The following GALNT16 variants were observed in gnomAD, a reference collection of about 807,000 sequenced individuals.
The protein encoded by GALNT16 is polypeptide N-acetylgalactosaminyltransferase 16.
GALNT16 carries 40 observed loss-of-function variants against 76.1 expected under a neutral mutation model. The observed-to-expected ratio is 0.53, with a 90% CI of 0.41 to 0.68. The LOEUF is 0.68. GALNT16 is among the 30% of genes least tolerant of loss of function. GALNT16 has a pLI of 0.00. For synonymous variants in GALNT16, 276 were observed against 285.2 expected (o/e 0.97, Z 0.32); for missense variants, 621 against 731.9 (o/e 0.85, Z 1.75).
chr14:69,260,622 T>C (rs1347382135), intron 1 of GALNT16, 155 bp downstream of exon 1: 12 of 412,214 alleles, frequency 2.9e-5, no homozygotes, highest in Middle Eastern at 7.4e-4. Context: ...CCCGTTGTTA[T>C]GGCAACCTCT....
At chr14:69,363,572 G>T in the GALNT16 span, among the ~76,000 whole-genome samples, 1 of 152,182 alleles carries the variant, frequency 6.6e-6, no homozygotes. Flanking sequence ...AGAAAAAGAG[G>T]CATGGTGCCC....
At chr14:69,366,366 C>T in the GALNT16 span, among the ~76,000 whole-genome samples, 1 of 152,132 alleles carries the variant, frequency 6.6e-6, no homozygotes, top group Non-Finnish European at 1.5e-5. Context: ...CCAAGTTATT[C>T]TCTGCTTAGC....
chr14:69,265,107 C>T (rs527686525), intron 1 of GALNT16, among the ~76,000 whole-genome samples: 32 of 152,244 alleles, frequency 2.1e-4, no homozygotes, highest in Admixed American at 1.4e-3. Context: ...TGAGCCACTG[C>T]GCCCAGCCAA....
At chr14:69,345,854 A>G (rs1015047465) in intron 12 of GALNT16, among the ~76,000 whole-genome samples, 1 of 152,020 alleles carries the variant, frequency 6.6e-6, no homozygotes, top group African/African-American at 2.4e-5. Flanking sequence ...CATACTAGCA[A>G]GTATCATTTC....
At chr14:69,384,148 T>C in the GALNT16 span, among the ~76,000 whole-genome samples, 24 of 152,252 alleles carry the variant, frequency 1.6e-4, no homozygotes, top group Non-Finnish European at 2.8e-4. Context: ...TTGAAATTTA[T>C]AATTTATCTC....
chr14:69,312,059 G>GTCTGTCTA (rs1024108630), intron 1 of GALNT16, among the ~76,000 whole-genome samples: 4 of 94,240 alleles, frequency 4.2e-5, no homozygotes, highest in Admixed American at 2.4e-4. Context: ...AAAAAAATCT[G>GTCTGTCTA]TCTATCTATC....
At chr14:69,375,716 C>T in the GALNT16 span, among the ~76,000 whole-genome samples, 7 of 152,272 alleles carry the variant, frequency 4.6e-5, no homozygotes, top group South Asian at 2.1e-4. Flanking sequence ...TCACTGAAGC[C>T]GTGAACTTCT....
In GALNT16 at chr14:69,265,939, C is replaced by T. The variant is rs181611181; in HGVS notation, c.177+5472C>T. On this transcript the variant is annotated intron_variant, in intron 1 of 14. Coordinates refer to ENST00000448469, the MANE Select transcript of GALNT16 (RefSeq NM_001168368.2). Reference sequence around the variant, plus strand: ...TGATGGTGATGACATTCGTTGGAGACCTGGATGCTGTGTGTTTTACAGGCT... The same window carrying T: ...TGATGGTGATGACATTCGTTGGAGATCTGGATGCTGTGTGTTTTACAGGCT... 1.2e-3 allele frequency among the ~76,000 whole-genome samples: 186 copies of T among 152,268 alleles called. 2 individuals carry two copies. The highest frequency in any genetic ancestry group is 7.9e-3 in the South Asian group (38 of 4,826).
At chr14:69,337,987 A>T in intron 9 of GALNT16, among the ~76,000 whole-genome samples, 1 of 152,226 alleles carries the variant, frequency 6.6e-6, no homozygotes, top group East Asian at 1.9e-4. Flanking sequence ...ATAAATGGCA[A>T]CTGGTGAGCG....
intron 1 of GALNT16, among the ~76,000 whole-genome samples, chr14:69,273,294 G>A (rs1334682271): frequency 1.3e-5 from 2 of 152,204 alleles, no homozygotes; most frequent in Non-Finnish European, 2.9e-5. Flanking sequence ...GAAGGTAGAG[G>A]GATTATTTCC....
At chr14:69,327,631 T>G (rs1177794080) in intron 5 of GALNT16, among the ~76,000 whole-genome samples, 1 of 152,178 alleles carries the variant, frequency 6.6e-6, no homozygotes, top group Non-Finnish European at 1.5e-5. Context: ...AGGCAGAGTC[T>G]GGGGCAGAGG....
rs143937686 is a variant in GALNT16 at position 69,285,999 on chromosome 14, T to G, written c.177+25532T>G. On this transcript the variant is annotated intron_variant, in intron 1 of 14. Transcript: ENST00000448469. ...TCCCACTTCTCGAAAGAGCCTCTGG[T>G]AGGTGTGGCCTACCCTGCCAAGCCA... 7.6e-3 allele frequency among the ~76,000 whole-genome samples: 1,159 copies of G among 152,138 alleles called. 12 individuals are homozygous for G. Among genetic ancestry groups the G allele is most frequent in the Non-Finnish European group, 9.7e-3 (657 of 67,986 alleles).
At chr14:69,343,663 C>A (rs934298572) in intron 12 of GALNT16, among the ~76,000 whole-genome samples, 9 of 152,356 alleles carry the variant, frequency 5.9e-5, no homozygotes, top group African/African-American at 2.2e-4. Flanking sequence ...ACTGTGTCAG[C>A]GTTCATACAA....
chr14:69,331,655 C>T lies in GALNT16; in HGVS notation c.778+104C>T, dbSNP rs369130354. ...CTGCTCTTTCCAGCTGTGCCAGAGA[C>T]CCTCATGAACACCCCTTCCACCACC... On this transcript the variant is annotated intron_variant, in intron 7 of 14. Transcript: ENST00000448469. 2.6e-5 allele frequency: 19 copies of T among 738,434 alleles called. No individual in the cohort carries two copies. In the East Asian group the frequency reaches 3.0e-4, roughly 12 times the overall value. The allele number at this position is 738,434 out of a possible 1,614,324, so 45.7% of individuals were successfully genotyped here.
rs2140210215 is a variant in GALNT16, at chr14:69,354,339, T to C, written c.*2171T>C. ...GGCTCTGCACTTATCAGCCGGTCCT[T>C]TGTGGCAACGCAGCCCTGTTCTGTT... is the stretch of plus-strand genomic sequence containing the variant. On this transcript the variant is annotated 3_prime_UTR_variant, in exon 15 of 15. Transcript: ENST00000448469. 1.3e-5 allele frequency: 2 copies of C among 152,922 alleles called. No individual in the cohort carries two copies. Among genetic ancestry groups the C allele is most frequent in the Middle Eastern group, 6.8e-3 (2 of 296 alleles). 9.5% of individuals were successfully genotyped at this position (152,922 alleles called of 1,614,324 possible). A position where few individuals can be genotyped will look rare whatever the true frequency, so the allele number is the denominator to read the frequency against.
chr14:69,331,148 G>T (rs1427817708), intron 6 of GALNT16, among the ~76,000 whole-genome samples: 1 of 152,220 alleles, frequency 6.6e-6, no homozygotes, highest in Non-Finnish European at 1.5e-5. Context: ...GCTTAAAAGA[G>T]GAAAAAATCC....
rs2044441608 is a variant in GALNT16, at chr14:69,274,161, T to TTAATTCACATCAAGAGTTTAGGA, written c.177+13716_177+13717insATAATTCACATCAAGAGTTTAGG. ...TTAGAGGGTTGCTCTGAAGATTGAG[T>TTAATTCACATCAAGAGTTTAGGA]TAATTCACATCAAGAGTTTAGGTTA... On this transcript the variant is annotated intron_variant, in intron 1 of 14. Transcript: ENST00000448469. 2.0e-5 allele frequency among the ~76,000 whole-genome samples: 3 copies of TTAATTCACATCAAGAGTTTAGGA among 152,132 alleles called. No individual in the cohort carries two copies. The South Asian group carries it at 6.2e-4, about 32-fold the overall frequency.
intron 1 of GALNT16, among the ~76,000 whole-genome samples, chr14:69,319,614 G>A (rs573835605): frequency 2.0e-5 from 3 of 152,324 alleles, no homozygotes; most frequent in Admixed American, 6.5e-5. Context: ...GAGATGTCAG[G>A]GTGCTTGCAT....
At chr14:69,336,330 G>A (rs775132775) in intron 9 of GALNT16, among the ~76,000 whole-genome samples, 1 of 152,114 alleles carries the variant, frequency 6.6e-6, no homozygotes, top group African/African-American at 2.4e-5. Flanking sequence ...GGATGGTCTC[G>A]AACTCCTGAC....
Sources: allele counts gnomAD v4.1 joint callset (sites outside exome capture counted in the v4.1 genomes callset), GRCh38; gene constraint gnomAD v4.1.1; transcripts MANE v1.5; gene names NCBI Gene and HGNC (gene_info 2026-07-23, HGNC 2026-07-21).